FOXK2: variants seen among roughly 807,000 people sequenced by gnomAD.
The protein encoded by FOXK2 is forkhead box K2.
Under a neutral mutation model 53.3 loss-of-function variants are expected in FOXK2, and 24 were observed. The observed-to-expected ratio is 0.45, with a 90% confidence interval of 0.33 to 0.63. The LOEUF (loss-of-function observed/expected upper bound fraction) is 0.63, where lower values mean the gene tolerates loss of function less well. Among genes scored for constraint, FOXK2 ranks in the 30% least tolerant of loss-of-function variants. The probability of loss-of-function intolerance (pLI) is 0.03; values close to 1 mark genes in which losing one functional copy is unlikely to be tolerated. For missense variants in FOXK2, 952 were observed against 910.5 expected, an observed-to-expected ratio of 1.05 and a Z score of -0.59; for synonymous variants, 505 against 407.1, an observed-to-expected ratio of 1.24 and a Z score of -2.89.
chr17:82,548,078 G>A (rs987582132), intron 1 of FOXK2, among the ~76,000 whole-genome samples: 6 of 152,302 alleles, frequency 3.9e-5, no homozygotes, highest in Admixed American at 6.5e-5. Flanking sequence ...TGTGCATCAC[G>A]CTGCTGTGAA....
chr17:82,601,196 G>A, intron 8 of FOXK2, 107 bp from the exon 9 acceptor site: 1 of 1,206,948 alleles, frequency 8.3e-7, no homozygotes, highest in African/African-American at 1.5e-5. Context: ...GAGTTCACAT[G>A]AGAGCGTGGG....
At chr17:82,565,197 G>A (rs554440890) in intron 2 of FOXK2, among the ~76,000 whole-genome samples, 1 of 152,292 alleles carries the variant, frequency 6.6e-6, no homozygotes, top group African/African-American at 2.4e-5. Flanking sequence ...AGACCTAAAT[G>A]TAAGGCCTGA....
chr17:82,591,003 G>C (rs2045248048), intron 8 of FOXK2, among the ~76,000 whole-genome samples: 1 of 152,226 alleles, frequency 6.6e-6, no homozygotes. Flanking sequence ...TCTGCCACCA[G>C]CTGCTGTGGG....
chr17:82,576,573 C>T lies in FOXK2; in HGVS notation c.909+4703C>T. 2.5e-6 allele frequency: 2 copies of T among 793,170 alleles called. 1 individual carries two copies. Among genetic ancestry groups the T allele is most frequent in the South Asian group, 2.9e-5 (2 of 68,258 alleles). The allele number at this position is 793,170 out of a possible 1,614,324, so 49.1% of individuals were successfully genotyped here. On this transcript the variant is annotated intron_variant, in intron 4 of 8. Transcript: ENST00000335255. ...TGAGCTGAGCCTGTTGGGCTGGTGACATCCAGAATGTTCCAATTCATTGGC... is the reference window on the plus strand; with the variant it reads ...TGAGCTGAGCCTGTTGGGCTGGTGATATCCAGAATGTTCCAATTCATTGGC...
chr17:82,567,692 CT>C (rs2144122416), intron 2 of FOXK2, among the ~76,000 whole-genome samples: 1 of 152,294 alleles, frequency 6.6e-6, no homozygotes, highest in East Asian at 1.9e-4. Context: ...ACCTCTGTGC[CT>C]ATCTTGTGTC....
At chr17:82,580,006 T>C (rs111660698) in intron 4 of FOXK2, among the ~76,000 whole-genome samples, 78 of 89,318 alleles carry the variant, frequency 8.7e-4, no homozygotes, top group East Asian at 2.7e-3. Flanking sequence ...ACACATGGCC[T>C]AGCCCACCTC....
intron 1 of FOXK2, among the ~76,000 whole-genome samples, chr17:82,525,385 G>C (rs1312813715): frequency 6.6e-6 from 1 of 152,068 alleles, no homozygotes; most frequent in Non-Finnish European, 1.5e-5. Flanking sequence ...TCACCATGTT[G>C]GTCAGGCTGG....
Position 82,577,102 on chromosome 17 carries a change from C to T in FOXK2, c.909+5232C>T, listed in dbSNP as rs114866536. 2.1e-3 allele frequency: 1,042 copies of T among 507,974 alleles called. 6 individuals carry two copies. The highest frequency in any genetic ancestry group is 0.019 in the African/African-American group (937 of 50,330). The allele number at this position is 507,974 out of a possible 1,614,324, so 31.5% of individuals were successfully genotyped here. On this transcript the variant is annotated intron_variant, in intron 4 of 8. Coordinates refer to ENST00000335255, the MANE Select transcript of FOXK2 (RefSeq NM_004514.4). ...GTTTGAACCCACATGGCGGAGACTG[C>T]GGTGAGCTGATACCGCGTCATTGCA...
intron 1 of FOXK2, among the ~76,000 whole-genome samples, chr17:82,551,063 A>G (rs769558096): frequency 6.6e-6 from 1 of 151,866 alleles, no homozygotes; most frequent in Admixed American, 6.6e-5. Flanking sequence ...CACGCCTGTC[A>G]TCCCAGCACT....
At chr17:82,586,325 G>A (rs1169668895) in intron 7 of FOXK2, 125 bp downstream of exon 7, 1 of 509,284 alleles carries the variant, frequency 2.0e-6, no homozygotes, top group Non-Finnish European at 3.2e-6. Flanking sequence ...AGGAGGAGAG[G>A]GGAGACCACA....
chr17:82,591,917 G>A (rs2143154005), intron 8 of FOXK2, among the ~76,000 whole-genome samples: 1 of 152,276 alleles, frequency 6.6e-6, no homozygotes, highest in Admixed American at 6.5e-5. Flanking sequence ...TGCTGCTGTT[G>A]TTTTGAGATA....
chr17:82,590,441 C>T (rs897403660), intron 8 of FOXK2, among the ~76,000 whole-genome samples: 1 of 152,150 alleles, frequency 6.6e-6, no homozygotes, highest in Non-Finnish European at 1.5e-5. Context: ...CAGGGTGAGC[C>T]ACCGCCTCTG....
In FOXK2 at chr17:82,538,073, A is replaced by T. The variant is rs139698192; in HGVS notation, c.419+17766A>T. Among the ~76,000 whole-genome samples the T allele has an allele frequency of 3.8e-3, 577 of 152,028 alleles. 6 individuals are homozygous for T. The highest frequency in any genetic ancestry group is 0.013 in the African/African-American group (530 of 41,444). ...ACCCTGTCTCTACAAAAATACAAAAATTAGCTGGGCATGATGGTCGGTGCC... is the reference window on the plus strand; with the variant it reads ...ACCCTGTCTCTACAAAAATACAAAATTTAGCTGGGCATGATGGTCGGTGCC... On this transcript the variant is annotated intron_variant, in intron 1 of 8. Transcript: ENST00000335255.
chr17:82,599,465 AAGG>A (rs1317907309), intron 8 of FOXK2: 1 of 152,308 alleles, frequency 6.6e-6, no homozygotes, highest in African/African-American at 2.4e-5. Context: ...CAGAGGTGGA[AAGG>A]AGAAGGGAAC....
chr17:82,561,585 C>G (rs2144111332), intron 1 of FOXK2, among the ~76,000 whole-genome samples: 1 of 152,250 alleles, frequency 6.6e-6, no homozygotes, highest in East Asian at 1.9e-4. Flanking sequence ...GCTCTGTACA[C>G]CAAGACCGTG....
chr17:82,601,573 CG>C lies in FOXK2; in HGVS notation c.*79del. The C allele has an allele frequency of 6.9e-7, 1 of 1,454,562 alleles. No individual in the cohort carries two copies. The highest frequency in any genetic ancestry group is 9.2e-7 in the Non-Finnish European group (1 of 1,085,968). The allele number at this position is 1,454,562 out of a possible 1,614,324, so 90.1% of individuals were successfully genotyped here. On this transcript the variant is annotated 3_prime_UTR_variant, in exon 9 of 9. Coordinates refer to ENST00000335255, the MANE Select transcript of FOXK2 (RefSeq NM_004514.4). The stretch of plus-strand genomic sequence containing the variant: ...GGAGACGCGGCCTCCCGCCAGCACT[CG>C]GGGGTGCAGGGCCCTGTGGTTGGAC...
intron 1 of FOXK2, chr17:82,559,225 GTGTC>G (rs2044766181): frequency 1.0e-5 from 4 of 390,906 alleles, no homozygotes; most frequent in South Asian, 5.4e-5. Context: ...GGTGTCCTGA[GTGTC>G]TGTATGTGGA....
At chr17:82,525,902 T>TA (rs2044412680) in intron 1 of FOXK2, among the ~76,000 whole-genome samples, 1 of 152,210 alleles carries the variant, frequency 6.6e-6, no homozygotes, top group African/African-American at 2.4e-5. Context: ...CTTTCTTTCT[T>TA]ACGTGGCATG....
rs1051855 is a variant in FOXK2, at chr17:82,603,448, T to C, written c.*1949T>C. On this transcript the variant is annotated 3_prime_UTR_variant, in exon 9 of 9. Coordinates refer to ENST00000335255, the MANE Select transcript of FOXK2 (RefSeq NM_004514.4). The stretch of plus-strand genomic sequence containing the variant: ...CTCTGATTGATAGGAGACGAGCTCT[T>C]GAGCTCTAAGGAACAGTGAGGTCGC... 126,056 of 152,196 alleles carry C rather than the reference T, an allele frequency of 0.83. 52,832 individuals carry two copies. The highest frequency in any genetic ancestry group is 0.9 in the Middle Eastern group (266 of 294). The allele number at this position is 152,196 out of a possible 1,614,324, so 9.4% of individuals were successfully genotyped here.
Sources: gnomAD v4.1 joint callset for allele counts (sites outside exome capture counted in the v4.1 genomes callset) on GRCh38, gnomAD v4.1.1 for gene constraint, MANE v1.5 for transcripts, NCBI Gene and HGNC (gene_info 2026-07-23, HGNC 2026-07-21) for gene names.